Variants in LRP1B observed in about 807,000 individuals in gnomAD.
LRP1B encodes low-density lipoprotein receptor-related protein 1B.
Under a neutral mutation model 556.6 loss-of-function variants are expected in LRP1B, and 217 were observed. The ratio of observed to expected loss-of-function variants is 0.39; its 90% CI spans 0.35 to 0.44. LRP1B has a LOEUF of 0.44. Among genes scored for constraint, LRP1B ranks in the 20% least tolerant of loss-of-function variants. The pLI is 1.00. For synonymous variants in LRP1B, 2,047 were observed against 1,865.8 expected (o/e 1.10, Z -2.50); for missense variants, 5,053 against 5,620.8 (o/e 0.90, Z 3.23).
chr2:140,549,390 C>G (rs1680462810), intron 43 of LRP1B, among the ~76,000 whole-genome samples: 6 of 151,996 alleles, frequency 3.9e-5, no homozygotes, highest in Admixed American at 2.0e-4. Flanking sequence ...CCTTTTCTAC[C>G]TTACAAATTG....
At chr2:141,528,913 TAAC>T (rs1684783070) in intron 2 of LRP1B, among the ~76,000 whole-genome samples, 1 of 152,194 alleles carries the variant, frequency 6.6e-6, no homozygotes, top group African/African-American at 2.4e-5. Context: ...TAATAATAAA[TAAC>T]AATTCTAACT....
intron 1 of LRP1B, among the ~76,000 whole-genome samples, chr2:141,979,161 A>G (rs1262863060): frequency 6.6e-6 from 1 of 152,104 alleles, no homozygotes; most frequent in Non-Finnish European, 1.5e-5. Context: ...TCAATAATCA[A>G]TTCTACCTAA....
intron 1 of LRP1B, among the ~76,000 whole-genome samples, chr2:142,059,394 T>C (rs905137368): frequency 7.2e-5 from 11 of 152,112 alleles, no homozygotes; most frequent in African/African-American, 2.7e-4. Flanking sequence ...GTTCCTTATA[T>C]CCACATCCTA....
intron 3 of LRP1B, among the ~76,000 whole-genome samples, chr2:141,322,744 T>A (rs1233141604): frequency 6.6e-6 from 1 of 151,986 alleles, no homozygotes; most frequent in African/African-American, 2.4e-5. Flanking sequence ...TTCTACATGT[T>A]CCCCTTCTTA....
intron 41 of LRP1B, among the ~76,000 whole-genome samples, chr2:140,644,359 T>A (rs181544078): frequency 6.6e-6 from 1 of 151,922 alleles, no homozygotes; most frequent in African/African-American, 2.4e-5. Context: ...TGATTCTCAA[T>A]AGGACACATA....
At chr2:140,413,666 A>T (rs1261262001) in intron 66 of LRP1B, among the ~76,000 whole-genome samples, 2 of 152,208 alleles carry the variant, frequency 1.3e-5, no homozygotes, top group Non-Finnish European at 2.9e-5. Context: ...AAACATTCAC[A>T]TACCAGGAAC....
At chr2:141,897,996 G>A (rs995515346) in intron 1 of LRP1B, among the ~76,000 whole-genome samples, 3 of 152,036 alleles carry the variant, frequency 2.0e-5, no homozygotes, top group Non-Finnish European at 4.4e-5. Flanking sequence ...TCATCTTATT[G>A]GGCCCAAATA....
chr2:140,715,443 T>C (rs1687175178), intron 37 of LRP1B, among the ~76,000 whole-genome samples: 1 of 152,082 alleles, frequency 6.6e-6, no homozygotes, highest in Non-Finnish European at 1.5e-5. Context: ...CAGTTTTATA[T>C]ATATACATTT....
chr2:141,809,004 C>A (rs547207799), intron 2 of LRP1B, among the ~76,000 whole-genome samples: 3 of 151,998 alleles, frequency 2.0e-5, no homozygotes, highest in Non-Finnish European at 4.4e-5. Context: ...TCCTATGAAC[C>A]TTTTATCTTT....
chr2:141,174,240 T>C (rs1012015517), intron 7 of LRP1B, among the ~76,000 whole-genome samples: 4 of 152,078 alleles, frequency 2.6e-5, no homozygotes, highest in African/African-American at 9.7e-5. Context: ...GTGTTTCTAG[T>C]CCATCCAGAG....
chr2:141,627,093 G>T (rs1425785721), intron 2 of LRP1B, among the ~76,000 whole-genome samples: 1 of 152,148 alleles, frequency 6.6e-6, no homozygotes, highest in Admixed American at 6.5e-5. Flanking sequence ...GTATATCCAG[G>T]CATTGCAATC....
intron 1 of LRP1B, among the ~76,000 whole-genome samples, chr2:142,111,504 A>T (rs1306131108): frequency 1.3e-5 from 2 of 152,146 alleles, no homozygotes; most frequent in Non-Finnish European, 2.9e-5. Context: ...GCAAAGAAAC[A>T]TGAGAGTCTT....
chr2:140,426,279 T>A (rs1469369756), intron 66 of LRP1B, among the ~76,000 whole-genome samples: 2 of 152,260 alleles, frequency 1.3e-5, no homozygotes, highest in South Asian at 4.1e-4. Flanking sequence ...TTATTTGTAC[T>A]TGGACATTAC....
At chr2:140,779,785 T>TGTGC (rs1553531521) in intron 32 of LRP1B, among the ~76,000 whole-genome samples, 1 of 148,336 alleles carries the variant, frequency 6.7e-6, no homozygotes, top group Non-Finnish European at 1.5e-5. Context: ...TGTGTGTGTG[T>TGTGC]AGCAGTGCAG....
rs889663088 is a variant in LRP1B, at chr2:140,938,295, C to G, written c.3136+11940G>C. On this transcript the variant is annotated intron_variant, in intron 20 of 90. Transcript: ENST00000389484. The stretch of plus-strand genomic sequence containing the variant: ...TAGTGTGAGAATGTCCAAACTATCA[C>G]AATGAAAAAGTCCTAGAATCTATTT... 3.3e-5 allele frequency among the ~76,000 whole-genome samples: 5 copies of G among 151,712 alleles called. No individual in the cohort carries two copies. In the East Asian group the frequency reaches 9.7e-4, roughly 29 times the overall value.
In LRP1B at chr2:141,520,703, A is replaced by G. The variant is rs1453025402; in HGVS notation, c.206-40170T>C. ...AAAGCTTTTTGCTCTCCTTGTTGATAGAGCTTATAAACTGCCAAACACACA... is the reference window on the plus strand; with the variant it reads ...AAAGCTTTTTGCTCTCCTTGTTGATGGAGCTTATAAACTGCCAAACACACA... On this transcript the variant is annotated intron_variant, in intron 2 of 90. Transcript: ENST00000389484. Among the ~76,000 whole-genome samples, 2 of 152,112 alleles carry G rather than the reference A, an allele frequency of 1.3e-5. 1 individual carries two copies. Among genetic ancestry groups the G allele is most frequent in the East Asian group, 3.9e-4 (2 of 5,180 alleles).
At chr2:141,558,261 C>A (rs1284110125) in intron 2 of LRP1B, among the ~76,000 whole-genome samples, 1 of 151,692 alleles carries the variant, frequency 6.6e-6, no homozygotes, top group Non-Finnish European at 1.5e-5. Flanking sequence ...ATTTACTTTG[C>A]CAGAAACCTA....
intron 1 of LRP1B, among the ~76,000 whole-genome samples, chr2:141,947,824 A>AAAC (rs1553489523): frequency 2.3e-4 from 35 of 149,196 alleles, no homozygotes; most frequent in East Asian, 1.6e-3. Flanking sequence ...CAGAAAAAAA[A>AAAC]AACAACAATA....
chr2:142,060,328 G>A (rs1226805703), intron 1 of LRP1B, among the ~76,000 whole-genome samples: 2 of 151,988 alleles, frequency 1.3e-5, no homozygotes, highest in African/African-American at 4.8e-5. Context: ...TGTCAAAGGT[G>A]CTCCATTAGG....
Sources: gnomAD v4.1 joint callset for allele counts (sites outside exome capture counted in the v4.1 genomes callset) on GRCh38, gnomAD v4.1.1 for gene constraint, MANE v1.5 for transcripts, NCBI Gene and HGNC (gene_info 2026-07-23, HGNC 2026-07-21) for gene names.